The following SLC25A26 variants were observed in gnomAD, a reference collection of about 807,000 sequenced individuals.
SLC25A26 encodes solute carrier family 25 member 26, also known as mitochondrial S-adenosylmethionine carrier protein.
In SLC25A26, 36 loss-of-function variants were observed where a neutral mutation model predicts 37.8. The ratio of observed to expected loss-of-function variants is 0.95; its 90% CI spans 0.73 to 1.26. The LOEUF is 1.26. Among genes scored for constraint, SLC25A26 ranks in the 50% most tolerant of loss-of-function variants. The pLI is 0.00. For synonymous variants in SLC25A26, 129 were observed against 122.5 expected (o/e 1.05, Z -0.35); for missense variants, 390 against 331.1 (o/e 1.18, Z -1.38).
chr3:66,300,519 A>T (rs2075046753), intron 5 of SLC25A26, among the ~76,000 whole-genome samples: 1 of 152,182 alleles, frequency 6.6e-6, no homozygotes, highest in Admixed American at 6.5e-5. Flanking sequence ...TTAAAATCTT[A>T]AAAGTACTTT....
chr3:66,284,501 T>G (rs1376184349), intron 5 of SLC25A26, among the ~76,000 whole-genome samples: 1 of 152,200 alleles, frequency 6.6e-6, no homozygotes, highest in African/African-American at 2.4e-5. Flanking sequence ...AATGCACATG[T>G]GCACCAAGAG....
chr3:66,333,397 C>T (rs951074699), intron 5 of SLC25A26, among the ~76,000 whole-genome samples: 5 of 152,132 alleles, frequency 3.3e-5, no homozygotes, highest in Non-Finnish European at 5.9e-5. Flanking sequence ...TTTGGATCTT[C>T]GTCATGAGCC....
chr3:66,256,256 A>C (rs367669394), intron 3 of SLC25A26, among the ~76,000 whole-genome samples: 8 of 152,026 alleles, frequency 5.3e-5, no homozygotes, highest in African/African-American at 1.9e-4. Context: ...CTTATACCCA[A>C]TTTTAGGCCT....
chr3:66,346,726 G>C (rs557623495), intron 6 of SLC25A26, among the ~76,000 whole-genome samples: 2 of 125,692 alleles, frequency 1.6e-5, no homozygotes, highest in South Asian at 4.5e-4. Flanking sequence ...GTGTGTGTGT[G>C]TGTGTGTGTG....
chr3:66,362,848 C>T lies in SLC25A26; in HGVS notation c.499-12C>T, dbSNP rs1332823307. The T allele has an allele frequency of 1.9e-6, 3 of 1,578,248 alleles. No homozygotes were observed. Among genetic ancestry groups the T allele is most frequent in the Non-Finnish European group, 2.6e-6 (3 of 1,160,650 alleles). On this transcript the variant is annotated splice_polypyrimidine_tract_variant and intron_variant, in intron 6 of 9. Transcript: ENST00000354883. ...TTTAATAACTTGTATTTTTCTTTCT[C>T]CTTAAACACAGGCCCTCTGGTCCTG...
At chr3:66,360,738 G>A (rs2076687367) in intron 6 of SLC25A26, among the ~76,000 whole-genome samples, 1 of 152,220 alleles carries the variant, frequency 6.6e-6, no homozygotes, top group African/African-American at 2.4e-5. Context: ...CTAAGACAGT[G>A]TGGAGAGAAA....
At chr3:66,200,353 G>C (rs904896002) in intron 1 of SLC25A26, among the ~76,000 whole-genome samples, 2 of 152,202 alleles carry the variant, frequency 1.3e-5, no homozygotes, top group African/African-American at 4.8e-5. Context: ...AAGCCAGCTG[G>C]CTGCACAATC....
At chr3:66,170,994 G>A (rs1270782358) in intron 1 of SLC25A26, among the ~76,000 whole-genome samples, 4 of 150,700 alleles carry the variant, frequency 2.7e-5, no homozygotes, top group Non-Finnish European at 5.9e-5. Context: ...TAGTAGAGAC[G>A]GGGTTTCACC....
At chr3:66,231,280 T>C (rs2072015138) in intron 1 of SLC25A26, among the ~76,000 whole-genome samples, 2 of 152,088 alleles carry the variant, frequency 1.3e-5, no homozygotes, top group African/African-American at 4.8e-5. Context: ...GCAGAGGAGG[T>C]AGCTTAGGGT....
intron 6 of SLC25A26, among the ~76,000 whole-genome samples, chr3:66,352,283 A>G (rs936947599): frequency 2.0e-5 from 3 of 152,112 alleles, no homozygotes; most frequent in Admixed American, 2.0e-4. Context: ...TAAAAGAAAA[A>G]TAAACCCAGA....
chr3:66,340,536 A>C (rs1559716868), intron 5 of SLC25A26, among the ~76,000 whole-genome samples: 1 of 151,892 alleles, frequency 6.6e-6, no homozygotes, highest in Admixed American at 6.6e-5. Context: ...AGCTTTATGG[A>C]TTGAGCTTTT....
intron 1 of SLC25A26, among the ~76,000 whole-genome samples, chr3:66,178,290 G>C (rs4074363): frequency 6.6e-6 from 1 of 151,974 alleles, no homozygotes; most frequent in African/African-American, 2.4e-5. Context: ...TTCAGCACCT[G>C]TTCTGAAGCC....
At chr3:66,225,925 T>G (rs2106913842) in intron 1 of SLC25A26, among the ~76,000 whole-genome samples, 1 of 152,296 alleles carries the variant, frequency 6.6e-6, no homozygotes, top group East Asian at 1.9e-4. Context: ...CATCTCACTG[T>G]CAGCATTTTG....
chr3:66,376,614 G>A (rs9654021), intron 9 of SLC25A26, among the ~76,000 whole-genome samples: 45,796 of 152,126 alleles, frequency 0.3, 8,221 homozygotes, highest in African/African-American at 0.5. Context: ...TTAATAGACT[G>A]TAGTAGAAAC....
At chr3:66,300,088 C>T (rs916159144) in intron 5 of SLC25A26, among the ~76,000 whole-genome samples, 2 of 152,140 alleles carry the variant, frequency 1.3e-5, no homozygotes, top group Non-Finnish European at 2.9e-5. Flanking sequence ...CTTGCTGTGT[C>T]AGCCCTTTTC....
chr3:66,267,054 A>G (rs1379676642), intron 5 of SLC25A26, among the ~76,000 whole-genome samples: 1 of 152,156 alleles, frequency 6.6e-6, no homozygotes, highest in Non-Finnish European at 1.5e-5. Context: ...GGGCACTACA[A>G]GGAACATTTC....
intron 1 of SLC25A26, among the ~76,000 whole-genome samples, chr3:66,189,117 C>T (rs1270285879): frequency 1.3e-5 from 2 of 152,148 alleles, no homozygotes; most frequent in Non-Finnish European, 2.9e-5. Flanking sequence ...TCCTAAACCT[C>T]ACCTGGCCTT....
At chr3:66,307,696 C>A (rs2075266420) in intron 5 of SLC25A26, among the ~76,000 whole-genome samples, 1 of 152,150 alleles carries the variant, frequency 6.6e-6, no homozygotes, top group Non-Finnish European at 1.5e-5. Flanking sequence ...AGGAAGGGGT[C>A]CAGTTTGAGT....
intron 2 of SLC25A26, among the ~76,000 whole-genome samples, chr3:66,240,662 T>C (rs538057160): frequency 6.6e-6 from 1 of 152,174 alleles, no homozygotes; most frequent in Non-Finnish European, 1.5e-5. Flanking sequence ...ATTTTAACTT[T>C]TTATATTTTA....
Sources: gnomAD v4.1 joint callset for allele counts (sites outside exome capture counted in the v4.1 genomes callset) on GRCh38, gnomAD v4.1.1 for gene constraint, MANE v1.5 for transcripts, NCBI Gene and HGNC (gene_info 2026-07-23, HGNC 2026-07-21) for gene names.